The following KATNBL1 variants were observed in gnomAD, a reference collection of about 807,000 sequenced individuals.
The protein encoded by KATNBL1 is katanin regulatory subunit B1 like 1, also known as KATNB1-like protein 1.
A neutral mutation model predicts 44.7 loss-of-function variants in KATNBL1; 28 were observed. That is an observed-to-expected ratio of 0.63 (90% CI 0.46 to 0.86). The LOEUF (loss-of-function observed/expected upper bound fraction) is 0.86, where lower values mean the gene tolerates loss of function less well. Ranked by LOEUF, KATNBL1 falls within the 40% of genes least tolerant of loss-of-function variation. KATNBL1 has a pLI of 0.00. For synonymous variants in KATNBL1, 78 were observed against 114.9 expected (o/e 0.68, Z 2.06); for missense variants, 272 against 350.7 (o/e 0.78, Z 1.79).
At chr15:34,202,989 A>G (rs1890208324) in intron 1 of KATNBL1, among the ~76,000 whole-genome samples, 1 of 151,936 alleles carries the variant, frequency 6.6e-6, no homozygotes, top group Non-Finnish European at 1.5e-5. Context: ...ACTCTGTCTC[A>G]AAAAAAATAA....
chr15:34,178,506 T>C lies in KATNBL1; in HGVS notation c.-14-14816A>G, dbSNP rs112085993. On this transcript the variant is annotated intron_variant, in intron 1 of 9. Coordinates refer to ENST00000256544, the MANE Select transcript of KATNBL1 (RefSeq NM_024713.3). Reference sequence around the variant, plus strand: ...GGCGTGGTGGCTCTCACCTGTAATCTCAGCACTTTGGGAGGCCAAGGAGGG... The same window carrying C: ...GGCGTGGTGGCTCTCACCTGTAATCCCAGCACTTTGGGAGGCCAAGGAGGG... Among the ~76,000 whole-genome samples, 901 of 152,150 alleles carry C rather than the reference T, an allele frequency of 5.9e-3. 10 individuals are homozygous for C. Among genetic ancestry groups the C allele is most frequent in the African/African-American group, 0.021 (855 of 41,482 alleles).
chr15:34,167,440 G>C (rs1377274124), intron 1 of KATNBL1, among the ~76,000 whole-genome samples: 1 of 151,094 alleles, frequency 6.6e-6, no homozygotes. Flanking sequence ...AAGAAACATG[G>C]GACTATGTGA....
intron 1 of KATNBL1, among the ~76,000 whole-genome samples, chr15:34,193,849 CTCAA>C (rs1407102094): frequency 1.1e-4 from 1 of 8,882 alleles, no homozygotes; most frequent in East Asian, 8.2e-3. Context: ...AAGGCCCTGT[CTCAA>C]AAAAAAAAAA....
rs370961562 is a variant in KATNBL1, at chr15:34,181,842, A to ATC, written c.-14-18153_-14-18152insGA. On this transcript the variant is annotated intron_variant, in intron 1 of 9. Transcript: ENST00000256544. ...TGTCCATATATATCCATATATATACACATATATATAGTCCATATATATATA... is the reference window on the plus strand; with the variant it reads ...TGTCCATATATATCCATATATATACATCCATATATATAGTCCATATATATATA... Among the ~76,000 whole-genome samples, 66 of 41,370 alleles carry ATC rather than the reference A, an allele frequency of 1.6e-3. 6 individuals are homozygous for ATC. The highest frequency in any genetic ancestry group is 2.7e-3 in the South Asian group (3 of 1,112). The allele number at this position is 41,370 out of a possible 152,430, so 27.1% of individuals were successfully genotyped here.
At chr15:34,200,197 A>G (rs1377314020) in intron 1 of KATNBL1, among the ~76,000 whole-genome samples, 1 of 152,156 alleles carries the variant, frequency 6.6e-6, no homozygotes, top group South Asian at 2.1e-4. Flanking sequence ...CTCAAAGTTG[A>G]TATCTCAAGG....
chr15:34,208,744 T>G (rs1890356752), intron 1 of KATNBL1: 1 of 152,228 alleles, frequency 6.6e-6, no homozygotes, highest in African/African-American at 2.4e-5. Flanking sequence ...CTTGAATGAA[T>G]GGTGTGTGAA....
intron 1 of KATNBL1, among the ~76,000 whole-genome samples, chr15:34,186,649 C>A (rs1210157482): frequency 6.6e-6 from 1 of 152,186 alleles, no homozygotes; most frequent in Non-Finnish European, 1.5e-5. Context: ...AGTCTACACC[C>A]TTGGGCGCCC....
At chr15:34,179,410 C>A (rs1889450684) in intron 1 of KATNBL1, among the ~76,000 whole-genome samples, 1 of 152,230 alleles carries the variant, frequency 6.6e-6, no homozygotes, top group South Asian at 2.1e-4. Flanking sequence ...CATCTCTTAA[C>A]AGTCCCACCT....
chr15:34,174,721 C>T (rs1330358995), intron 1 of KATNBL1, among the ~76,000 whole-genome samples: 1 of 151,684 alleles, frequency 6.6e-6, no homozygotes, highest in African/African-American at 2.4e-5. Context: ...GTGGTGCGAT[C>T]TCAGCTTACT....
At position 34,177,633 on chromosome 15, in the gene KATNBL1, T is replaced by TAAAAAAAAAA. The variant is rs10524351; in HGVS notation, c.-14-13953_-14-13944dup. Among the ~76,000 whole-genome samples the TAAAAAAAAAA allele has an allele frequency of 3.1e-3, 286 of 91,896 alleles. 17 individuals carry two copies. The highest frequency in any genetic ancestry group is 8.8e-3 in the African/African-American group (225 of 25,552). 60.3% of individuals were successfully genotyped at this position (91,896 alleles called of 152,430 possible). ...GGGTGACAAGAGCAAAACTCTGTCT[T>TAAAAAAAAAA]AAAAAAAAAAAGGATTAAACAGCTC... On this transcript the variant is annotated intron_variant, in intron 1 of 9. Coordinates refer to ENST00000256544, the MANE Select transcript of KATNBL1 (RefSeq NM_024713.3).
chr15:34,186,164 G>C (rs1889710246), intron 1 of KATNBL1, among the ~76,000 whole-genome samples: 1 of 152,126 alleles, frequency 6.6e-6, no homozygotes, highest in African/African-American at 2.4e-5. Flanking sequence ...TGCTGAGGAG[G>C]GGCATTGTGG....
At chr15:34,168,204 C>T (rs1330125371) in intron 1 of KATNBL1, among the ~76,000 whole-genome samples, 3 of 151,840 alleles carry the variant, frequency 2.0e-5, no homozygotes, top group Non-Finnish European at 4.4e-5. Context: ...ATCTCACGTG[C>T]AAAGATACAC....
In KATNBL1 at chr15:34,193,273, C is replaced by T. The variant is rs1889940180; in HGVS notation, c.-15+16678G>A. Among the ~76,000 whole-genome samples, 3 of 147,036 alleles carry T rather than the reference C, an allele frequency of 2.0e-5. No individual in the cohort carries two copies. The South Asian group carries it at 6.4e-4, about 31-fold the overall frequency. On this transcript the variant is annotated intron_variant, in intron 1 of 9. Coordinates refer to ENST00000256544, the MANE Select transcript of KATNBL1 (RefSeq NM_024713.3). The stretch of plus-strand genomic sequence containing the variant: ...TTAAGGCCAGATGCAGTGGATCATG[C>T]CTGTAATCCCAGCACTTTGGGAGGC...
intron 1 of KATNBL1, among the ~76,000 whole-genome samples, chr15:34,204,991 T>C (rs1356802697): frequency 7.0e-6 from 1 of 143,240 alleles, no homozygotes; most frequent in Non-Finnish European, 1.5e-5. Context: ...GAGGGACAGT[T>C]TTTTTTTTTT....
chr15:34,157,956 A>G (rs1888686916), intron 2 of KATNBL1, among the ~76,000 whole-genome samples: 1 of 152,230 alleles, frequency 6.6e-6, no homozygotes, highest in Non-Finnish European at 1.5e-5. Flanking sequence ...TAGCAGTTGC[A>G]CTTGAAAGGA....
intron 1 of KATNBL1, among the ~76,000 whole-genome samples, chr15:34,174,197 C>T (rs1889254862): frequency 1.3e-5 from 2 of 152,004 alleles, no homozygotes; most frequent in South Asian, 4.1e-4. Context: ...GTTAAAGGGA[C>T]ATAAAAAGAG....
chr15:34,164,906 T>A (rs575683849), intron 1 of KATNBL1, among the ~76,000 whole-genome samples: 1 of 152,256 alleles, frequency 6.6e-6, no homozygotes, highest in Non-Finnish European at 1.5e-5. Flanking sequence ...AAAGCAATTA[T>A]ATTTTTAAAA....
intron 1 of KATNBL1, among the ~76,000 whole-genome samples, chr15:34,193,239 A>AAAAC (rs1428088602): frequency 1.7e-5 from 2 of 115,908 alleles, no homozygotes; most frequent in Non-Finnish European, 4.1e-5. Context: ...AAAAAAACAA[A>AAAAC]AAAAAAACTT....
chr15:34,204,507 C>A (rs1890244906), intron 1 of KATNBL1, among the ~76,000 whole-genome samples: 1 of 152,122 alleles, frequency 6.6e-6, no homozygotes, highest in Non-Finnish European at 1.5e-5. Flanking sequence ...TACAGAGAAC[C>A]CATGGATGCT....
Sources: allele counts gnomAD v4.1 joint callset (sites outside exome capture counted in the v4.1 genomes callset), GRCh38; gene constraint gnomAD v4.1.1; transcripts MANE v1.5; gene names NCBI Gene and HGNC (gene_info 2026-07-23, HGNC 2026-07-21).